RIMBP2: variants seen among roughly 807,000 people sequenced by gnomAD.
RIMBP2 encodes RIMS binding protein 2.
A neutral mutation model predicts 118.6 loss-of-function variants in RIMBP2; 48 were observed. The observed-to-expected ratio is 0.40, with a 90% CI of 0.32 to 0.51. The LOEUF (loss-of-function observed/expected upper bound fraction) is 0.51, where lower values mean the gene tolerates loss of function less well. Ranked by LOEUF, RIMBP2 falls within the 20% of genes least tolerant of loss-of-function variation. RIMBP2 has a pLI of 0.41. For missense variants in RIMBP2, 1,551 were observed against 1,768.3 expected (o/e 0.88, Z 2.20); for synonymous variants, 762 against 742.9 (o/e 1.03, Z -0.42).
At chr12:130,606,271 G>C in intron 2 of RIMBP2, among the ~76,000 whole-genome samples, 1 of 152,134 alleles carries the variant, frequency 6.6e-6, no homozygotes, top group East Asian at 1.9e-4. Context: ...GAGAAAAAAC[G>C]TTCTCCCAAA....
chr12:130,515,296 T>C (rs11613824), intron 3 of RIMBP2, among the ~76,000 whole-genome samples: 7,864 of 152,264 alleles, frequency 0.052, 270 homozygotes, highest in South Asian at 0.16. Flanking sequence ...GTTTTACAAC[T>C]GTCACTACCA....
intron 1 of RIMBP2, among the ~76,000 whole-genome samples, chr12:130,698,309 GCTC>G (rs1450207818): frequency 6.6e-6 from 1 of 152,136 alleles, no homozygotes; most frequent in African/African-American, 2.4e-5. Flanking sequence ...TCCTTAACTT[GCTC>G]ACTTCAGAAG....
intron 2 of RIMBP2, among the ~76,000 whole-genome samples, chr12:130,573,647 G>T (rs890958373): frequency 2.0e-5 from 3 of 152,034 alleles, no homozygotes; most frequent in Non-Finnish European, 2.9e-5. Flanking sequence ...ACCCCCACCT[G>T]GGGGGGTGAT....
rs2074133734 is a variant in RIMBP2 at position 130,397,240 on chromosome 12, T to C, written c.*121A>G. The C allele has an allele frequency of 2.5e-6, 1 of 393,504 alleles. No homozygotes were observed. The highest frequency in any genetic ancestry group is 4.5e-6 in the Non-Finnish European group (1 of 223,184). The allele number at this position is 393,504 out of a possible 1,614,324, so 24.4% of individuals were successfully genotyped here. A position where few individuals can be genotyped will look rare whatever the true frequency, so the allele number is the denominator to read the frequency against. On this transcript the variant is annotated 3_prime_UTR_variant, in exon 23 of 23. Transcript: ENST00000690449. ...AAGTGGTTGGTAGTGCAAAAGTGCA[T>C]TTCTCTACTGGTGTCAGGGGAGAAG...
At chr12:130,643,772 A>G (rs188249612) in intron 1 of RIMBP2, among the ~76,000 whole-genome samples, 9 of 152,196 alleles carry the variant, frequency 5.9e-5, no homozygotes, top group African/African-American at 1.9e-4. Context: ...AGGAGCAGAC[A>G]TGCCCACAGA....
intron 1 of RIMBP2, among the ~76,000 whole-genome samples, chr12:130,709,025 C>T (rs1248680617): frequency 7.9e-5 from 12 of 152,280 alleles, no homozygotes; most frequent in Non-Finnish European, 1.5e-5. Flanking sequence ...ACAGGGCCTG[C>T]CGCAGAAGGG....
intron 2 of RIMBP2, among the ~76,000 whole-genome samples, chr12:130,587,975 A>G (rs1360091544): frequency 6.6e-6 from 1 of 151,554 alleles, no homozygotes; most frequent in African/African-American, 2.4e-5. Context: ...CTGTCCCTCC[A>G]CACAGTCCTG....
rs191450145 is a variant in RIMBP2 at position 130,498,334 on chromosome 12, C to T, written c.-4+8314G>A. Among the ~76,000 whole-genome samples the T allele has an allele frequency of 2.4e-4, 37 of 152,362 alleles. 1 individual carries two copies. Among genetic ancestry groups the T allele is most frequent in the Middle Eastern group, 3.4e-3 (1 of 294 alleles). ...CACTCATTCATGCGTGCACTTGCTC[C>T]GTTACTAATTCATCAATCAATCAGT... is the stretch of plus-strand genomic sequence containing the variant. On this transcript the variant is annotated intron_variant, in intron 4 of 22. Transcript: ENST00000690449.
At chr12:130,473,917 G>A (rs951332866) in intron 5 of RIMBP2, among the ~76,000 whole-genome samples, 22 of 145,054 alleles carry the variant, frequency 1.5e-4, no homozygotes, top group Non-Finnish European at 3.1e-4. Flanking sequence ...TTACATAATA[G>A]CCTTAAGACT....
intron 5 of RIMBP2, among the ~76,000 whole-genome samples, chr12:130,476,199 C>A (rs1349267565): frequency 6.6e-6 from 1 of 152,186 alleles, no homozygotes; most frequent in Non-Finnish European, 1.5e-5. Flanking sequence ...GGACAGAGAA[C>A]TACCCACTGG....
intron 2 of RIMBP2, among the ~76,000 whole-genome samples, chr12:130,569,793 G>A (rs2057493643): frequency 6.6e-6 from 1 of 152,136 alleles, no homozygotes; most frequent in Admixed American, 6.5e-5. Context: ...TGTACACCCT[G>A]CAGAACCATG....
intron 1 of RIMBP2, among the ~76,000 whole-genome samples, chr12:130,709,635 G>T (rs1019075328): frequency 6.6e-6 from 1 of 152,150 alleles, no homozygotes; most frequent in Non-Finnish European, 1.5e-5. Context: ...CAATATCTCC[G>T]TCCAAGGAGG....
rs10580090 is a variant in RIMBP2, at chr12:130,480,198, T to TAC, written c.-3-1184_-3-1183dup. On this transcript the variant is annotated intron_variant, in intron 4 of 22. Coordinates refer to ENST00000690449, the MANE Select transcript of RIMBP2 (RefSeq NM_001393629.1). ...AGAATTTCATTGTCATTTCCTTTCA[T>TAC]ACACACACACACACACACACACACA... 7.4e-3 allele frequency among the ~76,000 whole-genome samples: 947 copies of TAC among 128,160 alleles called. 7 individuals are homozygous for TAC. The highest frequency in any genetic ancestry group is 0.031 in the African/African-American group (892 of 28,758). The allele number at this position is 128,160 out of a possible 152,430, so 84.1% of individuals were successfully genotyped here. A position where few individuals can be genotyped will look rare whatever the true frequency, so the allele number is the denominator to read the frequency against.
chr12:130,577,577 T>TG (rs2058173562), intron 2 of RIMBP2, among the ~76,000 whole-genome samples: 1 of 152,106 alleles, frequency 6.6e-6, no homozygotes, highest in Non-Finnish European at 1.5e-5. Flanking sequence ...GAGAACAGCA[T>TG]GGGGGAAACT....
intron 1 of RIMBP2, among the ~76,000 whole-genome samples, chr12:130,662,953 C>T (rs1167755270): frequency 6.6e-6 from 1 of 152,032 alleles, no homozygotes; most frequent in African/African-American, 2.4e-5. Context: ...AAGACCCTGT[C>T]TAAAAAAAAG....
intron 1 of RIMBP2, among the ~76,000 whole-genome samples, chr12:130,680,639 G>T (rs933395334): frequency 6.6e-6 from 1 of 152,252 alleles, no homozygotes; most frequent in African/African-American, 2.4e-5. Flanking sequence ...CACACAGGAA[G>T]CATTTGGCAA....
At position 130,621,396 on chromosome 12, in the gene RIMBP2, C is replaced by A. The variant is rs1261762804; in HGVS notation, c.-217+6926G>T. Among the ~76,000 whole-genome samples the A allele has an allele frequency of 1.3e-5, 2 of 152,162 alleles. No individual in the cohort carries two copies. The highest frequency in any genetic ancestry group is 2.9e-5 in the Non-Finnish European group (2 of 68,036). ...AAGGGACTCTGATTAAAGACTGACG[C>A]CAACACAGAGGAAAAGGATGGAGAT... On this transcript the variant is annotated intron_variant, in intron 2 of 22. Coordinates refer to ENST00000690449, the MANE Select transcript of RIMBP2 (RefSeq NM_001393629.1). This position sits in a 1 kb window ranked among gnomAD's most constrained non-coding sequence, Gnocchi z 6.6.
chr12:130,673,080 C>T (rs1022552564), intron 1 of RIMBP2, among the ~76,000 whole-genome samples: 8 of 152,168 alleles, frequency 5.3e-5, no homozygotes, highest in Non-Finnish European at 1.0e-4. Flanking sequence ...AACTCCCACT[C>T]GAGGATGGAA....
intron 1 of RIMBP2, among the ~76,000 whole-genome samples, chr12:130,715,873 G>A (rs960768697): frequency 2.6e-5 from 4 of 151,470 alleles, no homozygotes; most frequent in African/African-American, 9.7e-5. Flanking sequence ...GCCAAACTTT[G>A]CCTGGAGGGG....
Sources: gnomAD v4.1 joint callset for allele counts (sites outside exome capture counted in the v4.1 genomes callset) on GRCh38, gnomAD v4.1.1 for gene constraint, Gnocchi (gnomAD v3.1) non-coding constraint, MANE v1.5 for transcripts, NCBI Gene and HGNC (gene_info 2026-07-23, HGNC 2026-07-21) for gene names.